Variants in PODXL2 observed in about 807,000 individuals in gnomAD.
The protein encoded by PODXL2 is podocalyxin-like protein 2.
A neutral mutation model predicts 53.4 loss-of-function variants in PODXL2; 17 were observed. The ratio of observed to expected loss-of-function variants is 0.32; its 90% confidence interval spans 0.22 to 0.48. The LOEUF is 0.48. PODXL2 is among the 20% of genes least tolerant of loss of function. PODXL2 has a pLI of 0.99. For synonymous variants in PODXL2, 311 were observed against 306.7 expected, an observed-to-expected ratio of 1.01 and a Z score of -0.15; for missense variants, 673 against 760.0, an observed-to-expected ratio of 0.89 and a Z score of 1.35.
chr3:127,672,622 T>TC lies in PODXL2; in HGVS notation c.*147dup, dbSNP rs1422496363. 5.7e-6 allele frequency: 3 copies of TC among 524,462 alleles called. No individual in the cohort carries two copies. Among genetic ancestry groups the TC allele is most frequent in the Non-Finnish European group, 9.6e-6 (3 of 312,648 alleles). The allele number at this position is 524,462 out of a possible 1,614,324, so 32.5% of individuals were successfully genotyped here. On this transcript the variant is annotated 3_prime_UTR_variant, in exon 8 of 8. Transcript: ENST00000342480. ...CCCTCGGCGCGGGCTCCTTCCCGCT[T>TC]CCCCCGACTTCACACGGCGGCTTCG...
In PODXL2 at chr3:127,672,439, C is replaced by G; in HGVS notation, c.1777C>G (p.Pro593Ala). ...GGCGCTCATGGGGGGCAAGCGGGAC[C>G]CCGAGGACTCGGACGTGTTCGAGGA... is the stretch of plus-strand genomic sequence containing the variant. ...WGALMGGKRD[P>A]EDSDVFEEDT... Residue 593 changes from proline to alanine, a missense_variant, in exon 8 of 8, where the codon CCC becomes GCC. By Grantham distance (27) the Pro-to-Ala change is conservative. Coordinates refer to ENST00000342480, the MANE Select transcript of PODXL2 (RefSeq NM_015720.4). 1 of 1,538,704 alleles carries G rather than the reference C, an allele frequency of 6.5e-7. No individual in the cohort carries two copies. Among genetic ancestry groups the G allele is most frequent in the Non-Finnish European group, 8.7e-7 (1 of 1,144,616 alleles).
intron 7 of PODXL2, 105 bp from the exon 8 acceptor site, chr3:127,672,163 G>C (rs2074850647): frequency 2.6e-6 from 2 of 780,012 alleles, no homozygotes; most frequent in Non-Finnish European, 4.2e-6. Context: ...CACCTGTGGA[G>C]GGTGCCGCGG....
rs550710158 is a variant in PODXL2 at position 127,652,147 on chromosome 3, A to G, written c.350-8231A>G. Among the ~76,000 whole-genome samples the G allele has an allele frequency of 9.8e-5, 15 of 152,332 alleles. No individual in the cohort carries two copies. The South Asian group carries it at 1.9e-3, about 19-fold the overall frequency. On this transcript the variant is annotated intron_variant, in intron 2 of 7. Coordinates refer to ENST00000342480, the MANE Select transcript of PODXL2 (RefSeq NM_015720.4). ...CACACAAGAGTCTAAGAGTCTTACAACTTTACAACTGTGACAAGTCTAGCA... is the reference window on the plus strand; with the variant it reads ...CACACAAGAGTCTAAGAGTCTTACAGCTTTACAACTGTGACAAGTCTAGCA...
At chr3:127,630,466 T>G (rs1380851520) in intron 1 of PODXL2, among the ~76,000 whole-genome samples, 1 of 152,184 alleles carries the variant, frequency 6.6e-6, no homozygotes, top group Non-Finnish European at 1.5e-5. Context: ...ACAGGACATT[T>G]CCCACGCAGC....
chr3:127,651,611 A>C (rs1341267063), intron 2 of PODXL2, among the ~76,000 whole-genome samples: 1 of 152,134 alleles, frequency 6.6e-6, no homozygotes, highest in Non-Finnish European at 1.5e-5. Flanking sequence ...CTCTAGACTC[A>C]CCAGTGCCTG....
At chr3:127,630,644 T>A (rs1007109254) in intron 1 of PODXL2, among the ~76,000 whole-genome samples, 1 of 152,106 alleles carries the variant, frequency 6.6e-6, no homozygotes, top group African/African-American at 2.4e-5. Context: ...GGGAAAGTGG[T>A]CCCTCGCACA....
At chr3:127,669,837 C>T (rs1465013070) in intron 6 of PODXL2, among the ~76,000 whole-genome samples, 1 of 152,182 alleles carries the variant, frequency 6.6e-6, no homozygotes, top group Non-Finnish European at 1.5e-5. Flanking sequence ...GATGGGATGG[C>T]AGGGTCCCCC....
chr3:127,668,196 C>T (rs961059324), intron 4 of PODXL2, among the ~76,000 whole-genome samples: 1 of 152,124 alleles, frequency 6.6e-6, no homozygotes, highest in African/African-American at 2.4e-5. Flanking sequence ...GGCCCCTTGA[C>T]TTTCTCATGG....
At chr3:127,644,644 CTCCCATTTCCT>C (rs1443874978) in intron 2 of PODXL2, among the ~76,000 whole-genome samples, 3 of 152,322 alleles carry the variant, frequency 2.0e-5, no homozygotes, top group African/African-American at 7.2e-5. Context: ...GTCTCTTCCT[CTCCCATTTCCT>C]TCCCTAGGTC....
At chr3:127,641,304 G>T (rs2074618326) in intron 2 of PODXL2, among the ~76,000 whole-genome samples, 1 of 151,986 alleles carries the variant, frequency 6.6e-6, no homozygotes, top group African/African-American at 2.4e-5. Context: ...CGAACTCCTG[G>T]GCTCAAGCGA....
chr3:127,633,355 GT>G (rs1385393030), intron 1 of PODXL2, among the ~76,000 whole-genome samples: 1 of 152,210 alleles, frequency 6.6e-6, no homozygotes, highest in Non-Finnish European at 1.5e-5. Context: ...TCCACAAGAT[GT>G]TTTTGTGGGG....
chr3:127,662,989 C>G (rs2074776708), intron 4 of PODXL2, among the ~76,000 whole-genome samples: 1 of 152,194 alleles, frequency 6.6e-6, no homozygotes, highest in Non-Finnish European at 1.5e-5. Flanking sequence ...TATCAATATT[C>G]ATGTACTGTC....
chr3:127,656,152 T>G (rs1195451926), intron 2 of PODXL2, among the ~76,000 whole-genome samples: 1 of 152,242 alleles, frequency 6.6e-6, no homozygotes, highest in Non-Finnish European at 1.5e-5. Context: ...GAATCCTATT[T>G]TATTCTTACT....
chr3:127,635,099 C>T (rs1364627668), intron 1 of PODXL2, among the ~76,000 whole-genome samples: 2 of 152,132 alleles, frequency 1.3e-5, no homozygotes, highest in African/African-American at 4.8e-5. Flanking sequence ...GGTTGTCTAC[C>T]CTAGAGAAAG....
intron 2 of PODXL2, among the ~76,000 whole-genome samples, chr3:127,642,002 A>T (rs1354112586): frequency 1.7e-5 from 1 of 60,470 alleles, no homozygotes; most frequent in East Asian, 4.8e-4. Flanking sequence ...AGGTCAAAAG[A>T]TGTATTAGGG....
chr3:127,670,881 A>T (rs2074827708), intron 6 of PODXL2, among the ~76,000 whole-genome samples: 1 of 152,236 alleles, frequency 6.6e-6, no homozygotes, highest in Non-Finnish European at 1.5e-5. Context: ...ACATGCCAGC[A>T]GTGAACACGC....
At chr3:127,649,396 TC>T (rs2074675413) in intron 2 of PODXL2, among the ~76,000 whole-genome samples, 1 of 152,242 alleles carries the variant, frequency 6.6e-6, no homozygotes, top group African/African-American at 2.4e-5. Context: ...CCTAATCGTC[TC>T]CTTAGGGTAC....
chr3:127,660,108 TTGGAGGAATGCAA>T (rs1424057323), intron 2 of PODXL2, among the ~76,000 whole-genome samples: 7 of 152,192 alleles, frequency 4.6e-5, no homozygotes, highest in African/African-American at 7.2e-5. Context: ...CATGGCTCTT[TTGGAGGAATGCAA>T]TATACAAAAC....
intron 4 of PODXL2, among the ~76,000 whole-genome samples, chr3:127,664,713 G>A (rs1018688074): frequency 2.6e-5 from 4 of 151,470 alleles, no homozygotes; most frequent in African/African-American, 9.7e-5. Context: ...GAGGTATTTG[G>A]TTGGTGCAAA....
Sources: allele counts gnomAD v4.1 joint callset (sites outside exome capture counted in the v4.1 genomes callset), GRCh38; gene constraint gnomAD v4.1.1; transcripts MANE v1.5; gene names NCBI Gene and HGNC (gene_info 2026-07-23, HGNC 2026-07-21).